PTH2: variants seen among roughly 807,000 people sequenced by gnomAD.
PTH2 encodes tuberoinfundibular 39 residue protein.
Under a neutral mutation model 6.2 loss-of-function variants are expected in PTH2, and 5 were observed. The observed-to-expected ratio is 0.80, with a 90% CI of 0.42 to 1.69. The LOEUF (loss-of-function observed/expected upper bound fraction) is 1.69, where lower values mean the gene tolerates loss of function less well. Among genes scored for constraint, PTH2 ranks in the 40% most tolerant of loss-of-function variants. The pLI is 0.02. For synonymous variants in PTH2, 67 were observed against 73.6 expected, an observed-to-expected ratio of 0.91 and a Z score of 0.46; for missense variants, 156 against 142.5, an observed-to-expected ratio of 1.09 and a Z score of -0.48.
chr19:49,423,299 A>C lies in PTH2; in HGVS notation c.41T>G (p.Leu14Arg), dbSNP rs1975038284. 7 of 1,608,966 alleles carry C rather than the reference A, an allele frequency of 4.4e-6. No individual in the cohort carries two copies. The highest frequency in any genetic ancestry group is 2.7e-5 in the African/African-American group (2 of 74,846). Reference sequence around the variant, plus strand: ...CAGCAGCAGCAGCAGCAGCAGCAGCAGCCGAACCCGAGGGCTCCTGGACAC... The same window carrying C: ...CAGCAGCAGCAGCAGCAGCAGCAGCCGCCGAACCCGAGGGCTCCTGGACAC... ...RQVSRSPRVRLLLLLLLLLVV... is the reference protein window; with the variant it reads ...RQVSRSPRVRRLLLLLLLLVV... Residue 14 changes from leucine to arginine, a missense_variant, in exon 1 of 2, where the codon CTG becomes CGG. Leu to Arg is a moderately radical substitution (Grantham distance 102, BLOSUM62 -2). Coordinates refer to ENST00000270631, the MANE Select transcript of PTH2 (RefSeq NM_178449.4).
rs1975036271 is a variant in PTH2, at chr19:49,423,228, G to T, written c.112C>A (p.Pro38Thr). 3.7e-6 allele frequency: 6 copies of T among 1,613,530 alleles called. No individual in the cohort carries two copies. Among genetic ancestry groups the T allele is most frequent in the Non-Finnish European group, 5.1e-6 (6 of 1,179,750 alleles). Reference sequence around the variant, plus strand: ...GGCACCTACCTGAGGACCCCGACCGGGGGCAGGGCGACTCCCGAGGCAGTG... The same window carrying T: ...GGCACCTACCTGAGGACCCCGACCGTGGGCAGGGCGACTCCCGAGGCAGTG... ...VRTASGVALPPVGVLSLRPPG... is the reference protein window; with the variant it reads ...VRTASGVALPTVGVLSLRPPG... Residue 38 changes from proline (P) to threonine (T), a missense_variant, in exon 1 of 2, where the codon CCG becomes ACG. Physicochemically the swap from Pro to Thr is conservative, Grantham distance 38 (BLOSUM62 -1). Coordinates refer to ENST00000270631, the MANE Select transcript of PTH2 (RefSeq NM_178449.4).
At position 49,422,432 on chromosome 19, in the gene PTH2, G is replaced by A. The variant is rs773470040; in HGVS notation, c.*36C>T. 3.8e-6 allele frequency: 6 copies of A among 1,578,186 alleles called. No individual in the cohort carries two copies. The highest frequency in any genetic ancestry group is 1.8e-5 in the Admixed American group (1 of 54,088). ...AACTAGGCGCAGTCCGGAGCGCAGGGCATGGTCTTTATTAAGATGGGGACG... is the reference window on the plus strand; with the variant it reads ...AACTAGGCGCAGTCCGGAGCGCAGGACATGGTCTTTATTAAGATGGGGACG... On this transcript the variant is annotated 3_prime_UTR_variant, in exon 2 of 2. Transcript: ENST00000270631.
chr19:49,422,631 G>A lies in PTH2; in HGVS notation c.140C>T (p.Pro47Leu), dbSNP rs765108910. The change falls in exon 2 of 2, where the codon CCA becomes CTA. Residue 47 changes from proline (P) to leucine (L), a missense_variant. Pro to Leu is a moderately conservative substitution (Grantham distance 98). Coordinates refer to ENST00000270631, the MANE Select transcript of PTH2 (RefSeq NM_178449.4). ...GGCGGGATCCGCCCAGGCCCGTCCT[G>A]GGGGGCGGAGGCTGTGGAGAGACGC... is the stretch of plus-strand genomic sequence containing the variant. ...PPVGVLSLRPPGRAWADPATP... is the reference protein window; with the variant it reads ...PPVGVLSLRPLGRAWADPATP... 3 of 1,421,280 alleles carry A rather than the reference G, an allele frequency of 2.1e-6. No homozygotes were observed. Among genetic ancestry groups the A allele is most frequent in the Non-Finnish European group, 1.8e-6 (2 of 1,093,914 alleles). The allele number at this position is 1,421,280 out of a possible 1,614,324, so 88.0% of individuals were successfully genotyped here. A position where few individuals can be genotyped will look rare whatever the true frequency, so the allele number is the denominator to read the frequency against.
chr19:49,423,103 T>C, intron 1 of PTH2, 109 bp downstream of exon 1: 1 of 1,426,114 alleles, frequency 7.0e-7, no homozygotes, highest in Non-Finnish European at 9.5e-7. Flanking sequence ...TCGCCCTCTC[T>C]TTGGGCTTCT....
rs912900412 is a variant in PTH2 at position 49,423,223 on chromosome 19, G to T, written c.117C>A (p.Val39=). The T allele has an allele frequency of 8.1e-6, 13 of 1,613,448 alleles. No homozygotes were observed. Among genetic ancestry groups the T allele is most frequent in the South Asian group, 1.1e-5 (1 of 91,010 alleles). The change falls in exon 1 of 2, where the codon GTC becomes GTA. Residue 39 remains valine, a synonymous_variant. Transcript: ENST00000270631. The stretch of plus-strand genomic sequence containing the variant: ...GGACTGGCACCTACCTGAGGACCCC[G>T]ACCGGGGGCAGGGCGACTCCCGAGG... The part of the protein sequence containing the change: ...RTASGVALPP[V]GVLSLRPPGR...
In PTH2 at chr19:49,423,354, C is replaced by A. The variant is rs772704959; in HGVS notation, c.-15G>T. 5.7e-6 allele frequency: 9 copies of A among 1,571,578 alleles called. No homozygotes were observed. The highest frequency in any genetic ancestry group is 7.8e-6 in the Non-Finnish European group (9 of 1,159,178). On this transcript the variant is annotated 5_prime_UTR_variant, in exon 1 of 2. Transcript: ENST00000270631. The stretch of plus-strand genomic sequence containing the variant: ...CGGGTCTCCATCACCTGTGGAGAAC[C>A]AGAAAGGGGCTCAGTAGGGCTGCAT...
chr19:49,422,576 C>T lies in PTH2; in HGVS notation c.195G>A (p.Leu65=), dbSNP rs777697618. The change falls in exon 2 of 2, where the codon CTG becomes CTA. Residue 65 remains leucine, a synonymous_variant. Coordinates refer to ENST00000270631, the MANE Select transcript of PTH2 (RefSeq NM_178449.4). ...GCTCCCGGAAGGCCGCGTCGTCCGCCAGCGCCAGGCTCCTCCGCGGCCTGG... is the reference window on the plus strand; with the variant it reads ...GCTCCCGGAAGGCCGCGTCGTCCGCTAGCGCCAGGCTCCTCCGCGGCCTGG... ...ATPRPRRSLA[L]ADDAAFRERA... 1.3e-6 allele frequency: 2 copies of T among 1,580,970 alleles called. No individual in the cohort carries two copies. Among genetic ancestry groups the T allele is most frequent in the South Asian group, 2.3e-5 (2 of 88,070 alleles).
rs72555384 is a variant in PTH2, at chr19:49,423,273, CCAGCAGCAG to C, written c.58_66del (p.Leu20_Leu22del). The C allele has an allele frequency of 3.5e-4, 559 of 1,580,948 alleles. 1 individual carries two copies. In the African/African-American group the frequency reaches 3.8e-3, roughly 11 times the overall value. On this transcript the variant is annotated inframe_deletion, in exon 1 of 2. Transcript: ENST00000270631. ...GCAGTGCGGACGCCCCAGGGCACCA[CCAGCAGCAG>C]CAGCAGCAGCAGCAGCAGCCGAACC... is the stretch of plus-strand genomic sequence containing the variant.
intron 1 of PTH2, 115 bp from the exon 2 acceptor site, chr19:49,422,757 C>A: frequency 1.1e-6 from 1 of 936,810 alleles, no homozygotes; most frequent in Non-Finnish European, 1.5e-6. Flanking sequence ...CTCGGTCCGG[C>A]TCCCCCTGTC....
At chr19:49,422,777 C>T (rs1439072108) in intron 1 of PTH2, 135 bp from the exon 2 acceptor site, 1 of 818,716 alleles carries the variant, frequency 1.2e-6, no homozygotes, top group African/African-American at 1.8e-5. Context: ...CTCTCTCGTT[C>T]TCTGTGTGGG....
Position 49,423,381 on chromosome 19 carries a change from C to T in PTH2, c.-42G>A. On this transcript the variant is annotated 5_prime_UTR_variant, in exon 1 of 2. Coordinates refer to ENST00000270631, the MANE Select transcript of PTH2 (RefSeq NM_178449.4). Reference sequence around the variant, plus strand: ...GAAAGGGGCTCAGTAGGGCTGCATCCCGGCCCAGAACCCCGGGCCCCACCA... The same window carrying T: ...GAAAGGGGCTCAGTAGGGCTGCATCTCGGCCCAGAACCCCGGGCCCCACCA... 1 of 1,541,934 alleles carries T rather than the reference C, an allele frequency of 6.5e-7. No homozygotes were observed.
rs72555384 is a variant in PTH2, at chr19:49,423,273, CCAG to C, written c.64_66del (p.Leu22del). On this transcript the variant is annotated inframe_deletion, in exon 1 of 2. Coordinates refer to ENST00000270631, the MANE Select transcript of PTH2 (RefSeq NM_178449.4). The stretch of plus-strand genomic sequence containing the variant: ...GCAGTGCGGACGCCCCAGGGCACCA[CCAG>C]CAGCAGCAGCAGCAGCAGCAGCAGC... 1.4e-3 allele frequency: 2,052 copies of C among 1,469,058 alleles called. 1 individual carries two copies. Among genetic ancestry groups the C allele is most frequent in the East Asian group, 9.9e-3 (393 of 39,868 alleles). The allele number at this position is 1,469,058 out of a possible 1,614,324, so 91.0% of individuals were successfully genotyped here.
chr19:49,422,461 A>G lies in PTH2; in HGVS notation c.*7T>C, dbSNP rs1975025894. 6.3e-7 allele frequency: 1 copy of G among 1,590,466 alleles called. No homozygotes were observed. Among genetic ancestry groups the G allele is most frequent in the Admixed American group, 1.8e-5 (1 of 56,970 alleles). ...GGTCTTTATTAAGATGGGGACGGGCAGCGCGCTCAGGGCGCATCCAACACC... is the reference window on the plus strand; with the variant it reads ...GGTCTTTATTAAGATGGGGACGGGCGGCGCGCTCAGGGCGCATCCAACACC... On this transcript the variant is annotated 3_prime_UTR_variant, in exon 2 of 2. Transcript: ENST00000270631.
At position 49,422,593 on chromosome 19, in the gene PTH2, G is replaced by A. The variant is rs923322975; in HGVS notation, c.178C>T (p.Arg60Trp). The A allele has an allele frequency of 2.6e-6, 4 of 1,533,196 alleles. No homozygotes were observed. In the African/African-American group the frequency reaches 4.3e-5, roughly 16 times the overall value. 95.0% of individuals were successfully genotyped at this position (1,533,196 alleles called of 1,614,324 possible). A position where few individuals can be genotyped will look rare whatever the true frequency, so the allele number is the denominator to read the frequency against. ...AWADPATPRP[R>W]RSLALADDAA... Reference sequence around the variant, plus strand: ...TCGTCCGCCAGCGCCAGGCTCCTCCGCGGCCTGGGGGTGGCGGGATCCGCC... The same window carrying A: ...TCGTCCGCCAGCGCCAGGCTCCTCCACGGCCTGGGGGTGGCGGGATCCGCC... The change falls in exon 2 of 2, where the codon CGG becomes TGG. Residue 60 changes from arginine to tryptophan, a missense_variant. Coordinates refer to ENST00000270631, the MANE Select transcript of PTH2 (RefSeq NM_178449.4).
chr19:49,423,302 C>T lies in PTH2; in HGVS notation c.38G>A (p.Arg13Gln), dbSNP rs1039913621. The T allele has an allele frequency of 1.2e-6, 2 of 1,609,074 alleles. No individual in the cohort carries two copies. Among genetic ancestry groups the T allele is most frequent in the Non-Finnish European group, 1.7e-6 (2 of 1,178,110 alleles). Residue 13 changes from arginine (R) to glutamine (Q), a missense_variant, in exon 1 of 2, where the codon CGG (arginine) becomes CAG (glutamine). By Grantham distance (43) the Arg-to-Gln change is conservative (BLOSUM62 1). Transcript: ENST00000270631. ...TRQVSRSPRV[R>Q]LLLLLLLLLV... ...CAGCAGCAGCAGCAGCAGCAGCAGC[C>T]GAACCCGAGGGCTCCTGGACACCTG...
In PTH2 at chr19:49,422,446, A is replaced by G. The variant is rs767200472; in HGVS notation, c.*22T>C. 29 of 1,585,722 alleles carry G rather than the reference A, an allele frequency of 1.8e-5. No homozygotes were observed. The highest frequency in any genetic ancestry group is 2.3e-5 in the Non-Finnish European group (27 of 1,169,206). On this transcript the variant is annotated 3_prime_UTR_variant, in exon 2 of 2. Transcript: ENST00000270631. ...CGGAGCGCAGGGCATGGTCTTTATT[A>G]AGATGGGGACGGGCAGCGCGCTCAG... is the stretch of plus-strand genomic sequence containing the variant.
rs1975026249 is a variant in PTH2, at chr19:49,422,478, T to C, written c.293A>G (p.Asp98Gly). The C allele has an allele frequency of 1.9e-6, 3 of 1,600,268 alleles. No individual in the cohort carries two copies. Among genetic ancestry groups the C allele is most frequent in the East Asian group, 2.3e-5 (1 of 42,656 alleles). ...NSYMHKLLVL[D>G]AP ...GGACGGGCAGCGCGCTCAGGGCGCA[T>C]CCAACACCAGCAGCTTGTGCATGTA... The change falls in exon 2 of 2, where the codon GAT becomes GGT. Residue 98 changes from aspartate (D) to glycine (G), a missense_variant. Coordinates refer to ENST00000270631, the MANE Select transcript of PTH2 (RefSeq NM_178449.4).
Position 49,423,305 on chromosome 19 carries a change from A to G in PTH2, c.35T>C (p.Val12Ala), listed in dbSNP as rs144508742. The change falls in exon 1 of 2, where the codon GTT becomes GCT. Residue 12 changes from valine (V) to alanine (A), a missense_variant. Physicochemically the swap from Val to Ala is moderately conservative, Grantham distance 64. Coordinates refer to ENST00000270631, the MANE Select transcript of PTH2 (RefSeq NM_178449.4). Reference protein sequence around the residue: ...ETRQVSRSPRVRLLLLLLLLL... With the variant: ...ETRQVSRSPRARLLLLLLLLL... ...CAGCAGCAGCAGCAGCAGCAGCCGA[A>G]CCCGAGGGCTCCTGGACACCTGGCG... 1 of 1,609,180 alleles carries G rather than the reference A, an allele frequency of 6.2e-7. No homozygotes were observed. Among genetic ancestry groups the G allele is most frequent in the Non-Finnish European group, 8.5e-7 (1 of 1,178,028 alleles).
At position 49,423,361 on chromosome 19, in the gene PTH2, G is replaced by A; in HGVS notation, c.-22C>T. On this transcript the variant is annotated 5_prime_UTR_variant, in exon 1 of 2. Coordinates refer to ENST00000270631, the MANE Select transcript of PTH2 (RefSeq NM_178449.4). ...CCATCACCTGTGGAGAACCAGAAAG[G>A]GGCTCAGTAGGGCTGCATCCCGGCC... 6.4e-7 allele frequency: 1 copy of A among 1,555,768 alleles called. No individual in the cohort carries two copies. The highest frequency in any genetic ancestry group is 8.7e-7 in the Non-Finnish European group (1 of 1,151,630).
Sources: allele counts gnomAD v4.1 joint callset, GRCh38; gene constraint gnomAD v4.1.1; transcripts MANE v1.5; gene names NCBI Gene and HGNC (gene_info 2026-07-23, HGNC 2026-07-21).